Variants in TTC3 observed in about 807,000 individuals in gnomAD.
The protein encoded by TTC3 is E3 ubiquitin-protein ligase TTC3.
TTC3 carries 180 observed loss-of-function variants against 249.6 expected under a neutral mutation model. The ratio of observed to expected loss-of-function variants is 0.72; its 90% CI spans 0.64 to 0.82. TTC3 has a LOEUF of 0.82. Among genes scored for constraint, TTC3 ranks in the 40% least tolerant of loss-of-function variants. The pLI is 0.00. For missense variants in TTC3, 2,061 were observed against 2,398.4 expected (o/e 0.86, Z 2.94); for synonymous variants, 717 against 805.0 (o/e 0.89, Z 1.85).
chr21:37,138,737 TAAAC>T (rs1348927936), intron 19 of TTC3, 23 bp downstream of exon 19: 1 of 1,512,180 alleles, frequency 6.6e-7, no homozygotes, highest in Non-Finnish European at 9.1e-7. Flanking sequence ...ACAGTGGTAA[TAAAC>T]AATTAAAATG....
At position 37,135,509 on chromosome 21, in the gene TTC3, A is replaced by G. The variant is rs765922585; in HGVS notation, c.1573A>G (p.Ile525Val). The change falls in exon 18 of 46, where the codon ATA becomes GTA. Residue 525 changes from isoleucine to valine, a missense_variant. Ile to Val is a conservative substitution (Grantham distance 29). This residue lies in a region of TTC3 where 989 missense variants were observed against 1,145.1 expected (regional missense o/e 0.86). Coordinates refer to ENST00000355666, the Ensembl canonical transcript of TTC3. ...GCTGAACGGTTTAGATCCTCAAAAAATAAAGGTAAATTTGCCATATCATAA... is the reference window on the plus strand; with the variant it reads ...GCTGAACGGTTTAGATCCTCAAAAAGTAAAGGTAAATTTGCCATATCATAA... 1.2e-6 allele frequency: 2 copies of G among 1,611,780 alleles called. No individual in the cohort carries two copies. Among genetic ancestry groups the G allele is most frequent in the East Asian group, 4.5e-5 (2 of 44,818 alleles).
rs773332141 is a variant in TTC3, at chr21:37,182,724, T to C, written c.4618-50T>C. ...AATTCTAGCCTTTCAGTCTCTTTTG[T>C]TAAAAAGTATATTTTGCCATTTATT... On this transcript the variant is annotated intron_variant, in intron 35 of 45. Transcript: ENST00000355666. 5 of 1,492,010 alleles carry C rather than the reference T, an allele frequency of 3.4e-6. No homozygotes were observed. In the African/African-American group the frequency reaches 7.2e-5, roughly 21 times the overall value. The allele number at this position is 1,492,010 out of a possible 1,614,324, so 92.4% of individuals were successfully genotyped here.
intron 35 of TTC3, 141 bp downstream of exon 35, chr21:37,172,885 A>T: frequency 9.3e-7 from 1 of 1,074,142 alleles, no homozygotes; most frequent in Non-Finnish European, 1.3e-6. Flanking sequence ...CCTGCTTCAG[A>T]TTTCTTCATG....
At chr21:37,189,854 AG>A (rs2083796773) in intron 39 of TTC3, among the ~76,000 whole-genome samples, 1 of 151,012 alleles carries the variant, frequency 6.6e-6, no homozygotes. Flanking sequence ...GGATTACAGG[AG>A]TGAGCCACCA....
At chr21:37,129,188 C>T in intron 16 of TTC3, 125 bp downstream of exon 16, 1 of 469,962 alleles carries the variant, frequency 2.1e-6, no homozygotes, top group Non-Finnish European at 3.7e-6. Context: ...ACCAAAATCC[C>T]TTTCAAATAT....
At chr21:37,090,868 A>C (rs1216129237) in intron 6 of TTC3, among the ~76,000 whole-genome samples, 2 of 152,172 alleles carry the variant, frequency 1.3e-5, no homozygotes, top group Non-Finnish European at 2.9e-5. Context: ...CACGTAAAAT[A>C]TGTAGTTCCT....
chr21:37,139,252 C>T (rs2078219381), intron 19 of TTC3, among the ~76,000 whole-genome samples: 1 of 151,988 alleles, frequency 6.6e-6, no homozygotes, highest in Non-Finnish European at 1.5e-5. Flanking sequence ...CTTATTTGTA[C>T]GTAGAAAGTA....
chr21:37,122,429 TATATATATTATATATATATATATA>T (rs2076678990), intron 12 of TTC3, among the ~76,000 whole-genome samples: 1 of 26,544 alleles, frequency 3.8e-5, no homozygotes, highest in Non-Finnish European at 1.0e-4. Context: ...AATATATATA[TATATATATTATATATATATATATA>T]ATGTTTTTTA....
Position 37,156,651 on chromosome 21 carries a change from A to G in TTC3, c.2741-4A>G, listed in dbSNP as rs1294911942. 1 of 1,594,560 alleles carries G rather than the reference A, an allele frequency of 6.3e-7. No homozygotes were observed. Among genetic ancestry groups the G allele is most frequent in the Non-Finnish European group, 8.5e-7 (1 of 1,171,674 alleles). ...TTCTGATTTGGGTTTTGTTTTTATT[A>G]CAGGCTTAGATGCCACAGGAACTTT... On this transcript the variant is annotated splice_polypyrimidine_tract_variant and splice_region_variant and intron_variant, in intron 27 of 45. Transcript: ENST00000355666.
chr21:37,188,505 T>C, exon 39 of TTC3: 1 of 1,613,694 alleles, frequency 6.2e-7, no homozygotes, highest in Non-Finnish European at 8.5e-7. Context: ...GTATCCGTAC[T>C]TGAAAACTGG....
chr21:37,138,431 TAGC>T (rs111554675), intron 18 of TTC3, among the ~76,000 whole-genome samples, 200 bp from the exon 19 acceptor site: 8 of 152,228 alleles, frequency 5.3e-5, no homozygotes, highest in African/African-American at 1.9e-4. Flanking sequence ...GTGTTTTAAA[TAGC>T]AGGATAACTG....
intron 29 of TTC3, among the ~76,000 whole-genome samples, chr21:37,160,489 T>A (rs1787367): frequency 1 from 152,306 of 152,308 alleles, 76,152 homozygotes; most frequent in Non-Finnish European, 1. Flanking sequence ...AATAATAAAT[T>A]TACTATTATG....
At chr21:37,124,686 A>G in exon 14 of TTC3, 1 of 1,613,834 alleles carries the variant, frequency 6.2e-7, no homozygotes. Context: ...GGAGAAGGAA[A>G]GAGATTTCAG....
chr21:37,101,358 TG>T (rs2074481584), intron 10 of TTC3: 1 of 87,320 alleles, frequency 1.1e-5, no homozygotes, highest in African/African-American at 4.3e-5. Context: ...TTCTTGTGTG[TG>T]TGTGTGTGTG....
chr21:37,160,930 T>C (rs1301829633), intron 30 of TTC3, 72 bp downstream of exon 30: 9 of 1,430,216 alleles, frequency 6.3e-6, no homozygotes, highest in Middle Eastern at 1.8e-4. Context: ...TACATTAGAA[T>C]TGAGCAATTC....
chr21:37,115,011 A>G (rs1359909092), intron 11 of TTC3, among the ~76,000 whole-genome samples: 1 of 151,976 alleles, frequency 6.6e-6, no homozygotes, highest in African/African-American at 2.4e-5. Context: ...GAAGGGGAAC[A>G]TCACACACCG....
chr21:37,091,480 G>A, intron 7 of TTC3, 67 bp downstream of exon 7: 2 of 1,386,650 alleles, frequency 1.4e-6, no homozygotes, highest in Non-Finnish European at 1.9e-6. Flanking sequence ...AATGAGATAT[G>A]TAGTTAAGTG....
chr21:37,159,059 G>T (rs1234232356), intron 28 of TTC3, among the ~76,000 whole-genome samples: 1 of 152,116 alleles, frequency 6.6e-6, no homozygotes. Context: ...TTTAATTGCA[G>T]ATTAAGTTCA....
intron 18 of TTC3, among the ~76,000 whole-genome samples, chr21:37,137,053 A>G (rs1115639): frequency 0.33 from 49,840 of 152,086 alleles, 8,511 homozygotes; most frequent in South Asian, 0.52. Flanking sequence ...CACTGTTGAG[A>G]CCTACTGCTA....
Sources: gnomAD v4.1 joint callset for allele counts (sites outside exome capture counted in the v4.1 genomes callset) on GRCh38, gnomAD v4.1.1 for gene constraint, gnomAD v4.1.1 regional missense constraint, MANE v1.5 for transcripts, NCBI Gene and HGNC (gene_info 2026-07-23, HGNC 2026-07-21) for gene names.